The following PLA2G4D variants were observed in gnomAD, a reference collection of about 807,000 sequenced individuals.
PLA2G4D encodes the protein phospholipase A2 group IVD.
A neutral mutation model predicts 94.4 loss-of-function variants in PLA2G4D; 80 were observed. The observed-to-expected ratio is 0.85, with a 90% CI of 0.71 to 1.02. The LOEUF is 1.02. PLA2G4D is among the 50% of genes least tolerant of loss of function. The pLI is 0.00. For missense variants in PLA2G4D, 1,050 were observed against 1,034.7 expected, an observed-to-expected ratio of 1.01 and a Z score of -0.20; for synonymous variants, 438 against 440.9, an observed-to-expected ratio of 0.99 and a Z score of 0.08.
At chr15:42,092,819 A>G (rs1890266738) in intron 1 of PLA2G4D, among the ~76,000 whole-genome samples, 1 of 152,224 alleles carries the variant, frequency 6.6e-6, no homozygotes, top group Non-Finnish European at 1.5e-5. Flanking sequence ...ATGTGGCCCA[A>G]GAGAGCTTAA....
intron 19 of PLA2G4D, 42 bp from the exon 20 acceptor site, chr15:42,068,983 G>T: frequency 1.3e-6 from 2 of 1,548,556 alleles, no homozygotes; most frequent in South Asian, 1.2e-5. Context: ...GGACGCCGGG[G>T]CTTCTACAGC....
chr15:42,072,260 T>G lies in PLA2G4D; in HGVS notation c.1435+15A>C, dbSNP rs1179732551. The G allele has an allele frequency of 3.8e-6, 6 of 1,596,370 alleles. No homozygotes were observed. Among genetic ancestry groups the G allele is most frequent in the Non-Finnish European group, 5.1e-6 (6 of 1,165,504 alleles). On this transcript the variant is annotated intron_variant, in intron 14 of 19. Coordinates refer to ENST00000290472, the MANE Select transcript of PLA2G4D (RefSeq NM_178034.4). The stretch of plus-strand genomic sequence containing the variant: ...GGGGGTGGAGTATGTGGGAGGGGAG[T>G]AGGTAGAACTGTACCCTTGAAGTCC...
Position 42,084,978 on chromosome 15 carries a change from T to C in PLA2G4D, c.471+118A>G. ...CACCTGGCTGGAAGGCTAGGGGTGG[T>C]TTTACCACGAAGCCCTGCCCCTTCC... is the stretch of plus-strand genomic sequence containing the variant. On this transcript the variant is annotated intron_variant, in intron 6 of 19. Transcript: ENST00000290472. The surrounding 1 kb of genome is among the most constrained non-coding windows in gnomAD (Gnocchi z 4.8). 8.2e-7 allele frequency: 1 copy of C among 1,217,002 alleles called. No homozygotes were observed. The highest frequency in any genetic ancestry group is 1.3e-5 in the South Asian group (1 of 77,008). 75.4% of individuals were successfully genotyped at this position (1,217,002 alleles called of 1,614,324 possible). A position where few individuals can be genotyped will look rare whatever the true frequency, so the allele number is the denominator to read the frequency against.
chr15:42,072,656 C>T (rs975300159), intron 13 of PLA2G4D, among the ~76,000 whole-genome samples: 1 of 152,182 alleles, frequency 6.6e-6, no homozygotes, highest in East Asian at 1.9e-4. Flanking sequence ...ACAATGCCAG[C>T]GGTGCTTCCA....
intron 7 of PLA2G4D, 120 bp from the exon 8 acceptor site, chr15:42,083,454 C>T: frequency 4.9e-6 from 7 of 1,436,524 alleles, no homozygotes; most frequent in Non-Finnish European, 6.5e-6. Flanking sequence ...CCATCGTCAA[C>T]AGCATTCTGA....
intron 12 of PLA2G4D, 48 bp from the exon 13 acceptor site, chr15:42,079,807 G>C: frequency 6.4e-7 from 1 of 1,555,138 alleles, no homozygotes; most frequent in Non-Finnish European, 8.7e-7. Context: ...GCCCAGCATG[G>C]GGCGCTGCAA....
chr15:42,092,608 G>A (rs1323495829), intron 1 of PLA2G4D, among the ~76,000 whole-genome samples: 1 of 152,120 alleles, frequency 6.6e-6, no homozygotes, highest in Admixed American at 6.5e-5. Flanking sequence ...CTAACCCGGA[G>A]GCTTCTGGAG....
chr15:42,071,908 C>G lies in PLA2G4D; in HGVS notation c.1439G>C (p.Trp480Ser). Residue 480 changes from tryptophan to serine, a missense_variant, in exon 15 of 20, where the codon TGG (tryptophan) becomes TCG (serine). Transcript: ENST00000290472. Reference sequence around the variant, plus strand: ...GACCTCATAGGGGGAGAACTCAACCCACTCTAATGGGGTGGGAAGGAGAGG... The same window carrying G: ...GACCTCATAGGGGGAGAACTCAACCGACTCTAATGGGGTGGGAAGGAGAGG... ...NNLETLDFKE[W>S]VEFSPYEVGF... 6.2e-7 allele frequency: 1 copy of G among 1,614,036 alleles called. No homozygotes were observed. Among genetic ancestry groups the G allele is most frequent in the Non-Finnish European group, 8.5e-7 (1 of 1,179,948 alleles).
rs1890094536 is a variant in PLA2G4D, at chr15:42,084,039, C to T, written c.472-260G>A. 1.4e-5 allele frequency: 7 copies of T among 495,314 alleles called. No homozygotes were observed. The highest frequency in any genetic ancestry group is 2.6e-5 in the Non-Finnish European group (7 of 273,714). The allele number at this position is 495,314 out of a possible 1,614,324, so 30.7% of individuals were successfully genotyped here. On this transcript the variant is annotated intron_variant, in intron 6 of 19. Coordinates refer to ENST00000290472, the MANE Select transcript of PLA2G4D (RefSeq NM_178034.4). The surrounding 1 kb of genome is among the most constrained non-coding windows in gnomAD (Gnocchi z 4.8). The stretch of plus-strand genomic sequence containing the variant: ...CCCTGGCTTTGCCAAACTCCCGAAA[C>T]CTCCTAGAGCGCCCAGCCCTCAGAC...
At chr15:42,093,679 C>T (rs1037662454) in intron 1 of PLA2G4D, among the ~76,000 whole-genome samples, 8 of 152,238 alleles carry the variant, frequency 5.3e-5, no homozygotes, top group Non-Finnish European at 2.9e-5. Context: ...GAGCACCAGT[C>T]TGGAGCTGCT....
At chr15:42,088,412 G>A (rs1595599167) in intron 1 of PLA2G4D, among the ~76,000 whole-genome samples, 1 of 152,208 alleles carries the variant, frequency 6.6e-6, no homozygotes, top group East Asian at 1.9e-4. Flanking sequence ...GAGAGTAGGT[G>A]GCAGGAGGGA....
chr15:42,072,487 G>C, intron 13 of PLA2G4D, 95 bp from the exon 14 acceptor site: 2 of 939,650 alleles, frequency 2.1e-6, no homozygotes, highest in South Asian at 2.9e-5. Context: ...GACCTGGCTG[G>C]GGGTGAGGAG....
At chr15:42,076,655 A>C (rs1889933672) in intron 13 of PLA2G4D, among the ~76,000 whole-genome samples, 1 of 152,322 alleles carries the variant, frequency 6.6e-6, no homozygotes, top group Middle Eastern at 3.4e-3. Context: ...GAAATGCAAA[A>C]CTATGATAAA....
At chr15:42,086,100 C>T in intron 4 of PLA2G4D, 113 bp downstream of exon 4, 1 of 1,183,426 alleles carries the variant, frequency 8.5e-7, no homozygotes, top group Non-Finnish European at 1.2e-6. Flanking sequence ...TTAGATTTTT[C>T]TGTGAATGAG....
chr15:42,070,463 G>C (rs914242739), intron 18 of PLA2G4D: 5 of 548,934 alleles, frequency 9.1e-6, no homozygotes, highest in Admixed American at 3.3e-5. Context: ...TCTCCTCTCA[G>C]CTCCGTCCAG....
At chr15:42,077,315 T>C (rs560540216) in intron 13 of PLA2G4D, among the ~76,000 whole-genome samples, 1 of 152,218 alleles carries the variant, frequency 6.6e-6, no homozygotes, top group African/African-American at 2.4e-5. Flanking sequence ...CTGATGAACA[T>C]AAATGCAAAA....
Position 42,085,175 on chromosome 15 carries a change from TGCATTGACCTCCC to T in PLA2G4D, c.429-50_429-38del, listed in dbSNP as rs759098265. Reference sequence around the variant, plus strand: ...AAACCATGCAAAGGCAAACGCTTCCTGCATTGACCTCCCGCTCCCGCCCATGTGGGGTCTCCCT... The same window carrying T: ...AAACCATGCAAAGGCAAACGCTTCCTGCTCCCGCCCATGTGGGGTCTCCCT... On this transcript the variant is annotated intron_variant, in intron 5 of 19. Transcript: ENST00000290472. 9 of 1,613,322 alleles carry T rather than the reference TGCATTGACCTCCC, an allele frequency of 5.6e-6. No individual in the cohort carries two copies. The South Asian group carries it at 9.9e-5, about 18-fold the overall frequency.
chr15:42,081,034 A>T lies in PLA2G4D; in HGVS notation c.1057T>A (p.Cys353Ser), dbSNP rs1165398731. 6 of 1,614,106 alleles carry T rather than the reference A, an allele frequency of 3.7e-6. No homozygotes were observed. Among genetic ancestry groups the T allele is most frequent in the Non-Finnish European group, 5.1e-6 (6 of 1,180,000 alleles). ...LALQKLGLLD[C>S]VTYFSGISGS... The stretch of plus-strand genomic sequence containing the variant: ...GAGATGCCACTGAAGTAGGTCACAC[A>T]GTCTAGGAGGCCCAGCTTCTGCAAG... Residue 353 changes from cysteine (C) to serine (S), a missense_variant, in exon 12 of 20, where the codon TGT becomes AGT. By Grantham distance (112) the Cys-to-Ser change is moderately radical (BLOSUM62 -1). Transcript: ENST00000290472.
In PLA2G4D at chr15:42,086,215, G is replaced by T; in HGVS notation, c.385C>A (p.Gln129Lys). 9.6e-6 allele frequency: 1 copy of T among 104,664 alleles called. No individual in the cohort carries two copies. The highest frequency in any genetic ancestry group is 1.7e-5 in the Non-Finnish European group (1 of 59,004). The allele number at this position is 104,664 out of a possible 1,614,324, so 6.5% of individuals were successfully genotyped here. A position where few individuals can be genotyped will look rare whatever the true frequency, so the allele number is the denominator to read the frequency against. The change falls in exon 4 of 20, where the codon CAG (glutamine) becomes AAG (lysine). Residue 129 changes from glutamine to lysine, a missense_variant and splice_region_variant. Transcript: ENST00000290472. ...GACTTCCCCACCCACCCACCCACCT[G>T]GGGACTCTGGGAGAAGGTTTTCCGG... ...LLRKTFSQSPQGEEELDVEFL... is the reference protein window; with the variant it reads ...LLRKTFSQSPKGEEELDVEFL...
Sources: gnomAD v4.1 joint callset for allele counts (sites outside exome capture counted in the v4.1 genomes callset) on GRCh38, gnomAD v4.1.1 for gene constraint, Gnocchi (gnomAD v3.1) non-coding constraint, MANE v1.5 for transcripts, NCBI Gene and HGNC (gene_info 2026-07-23, HGNC 2026-07-21) for gene names.